Variants in NCALD observed in about 807,000 individuals in gnomAD.
The protein encoded by NCALD is neurocalcin delta.
A neutral mutation model predicts 18.6 loss-of-function variants in NCALD; 10 were observed. The observed-to-expected ratio is 0.54, with a 90% CI of 0.33 to 0.91. The LOEUF is 0.91. NCALD is among the 40% of genes least tolerant of loss of function. NCALD has a pLI of 0.03. For missense variants in NCALD, 184 were observed against 247.6 expected (o/e 0.74, Z 1.72); for synonymous variants, 88 against 87.4 (o/e 1.01, Z -0.04).
At chr8:101,870,907 C>T (rs1028884518) in intron 4 of NCALD, among the ~76,000 whole-genome samples, 1 of 92,526 alleles carries the variant, frequency 1.1e-5, no homozygotes, top group Non-Finnish European at 2.1e-5. Flanking sequence ...ACCCCCCCCC[C>T]CCAAAAAAAG....
intron 1 of NCALD, among the ~76,000 whole-genome samples, chr8:102,080,114 C>T (rs16869053): frequency 5.3e-5 from 8 of 152,008 alleles, no homozygotes; most frequent in Non-Finnish European, 1.0e-4. Context: ...AAAAAAAATC[C>T]GCCCAAGGAA....
chr8:101,981,989 C>T (rs948878974), intron 2 of NCALD, among the ~76,000 whole-genome samples: 1 of 152,046 alleles, frequency 6.6e-6, no homozygotes, highest in Non-Finnish European at 1.5e-5. Context: ...TGAGTTCTCC[C>T]GCTGAGTTCA....
At position 101,801,643 on chromosome 8, in the gene NCALD, CTTTTTTTTTTTTTTTTT is replaced by C. The variant is rs71268530; in HGVS notation, c.-19-82012_-19-81996del. ...TCTCTATGATTTACAAGCACACTTA[CTTTTTTTTTTTTTTTTT>C]TTTTTTTTTTTTTTTTTTTTTTTTG... is the stretch of plus-strand genomic sequence containing the variant. On this transcript the variant is annotated intron_variant, in intron 4 of 6. Coordinates refer to the NCALD transcript ENST00000311028. Among the ~76,000 whole-genome samples, 344 of 44,072 alleles carry C rather than the reference CTTTTTTTTTTTTTTTTT, an allele frequency of 7.8e-3. 1 individual carries two copies. The highest frequency in any genetic ancestry group is 0.014 in the African/African-American group (257 of 18,382). 28.9% of individuals were successfully genotyped at this position (44,072 alleles called of 152,430 possible). A position where few individuals can be genotyped will look rare whatever the true frequency, so the allele number is the denominator to read the frequency against.
intron 1 of NCALD, among the ~76,000 whole-genome samples, chr8:101,740,052 C>A: frequency 6.6e-6 from 1 of 152,126 alleles, no homozygotes; most frequent in South Asian, 2.1e-4. Flanking sequence ...AAATCTATTG[C>A]CTGAATGAAG....
chr8:101,741,300 C>A (rs1444581291), intron 1 of NCALD, among the ~76,000 whole-genome samples: 1 of 152,158 alleles, frequency 6.6e-6, no homozygotes, highest in Non-Finnish European at 1.5e-5. Context: ...TGACTTCTGG[C>A]CTTATCTATT....
chr8:101,729,476 C>G (rs1292173133), intron 1 of NCALD, among the ~76,000 whole-genome samples: 1 of 152,162 alleles, frequency 6.6e-6, no homozygotes, highest in East Asian at 1.9e-4. Flanking sequence ...AAGCCATTGC[C>G]CCCAGTGAGG....
At chr8:101,691,569 C>A in intron 3 of NCALD, 9 of 985,406 alleles carry the variant, frequency 9.1e-6, no homozygotes, top group Non-Finnish European at 1.1e-5. Flanking sequence ...GTAAAACCTG[C>A]AGTTTAACAT....
chr8:101,796,463 G>A (rs1812642538), intron 4 of NCALD, among the ~76,000 whole-genome samples: 1 of 151,984 alleles, frequency 6.6e-6, no homozygotes, highest in Admixed American at 6.6e-5. Context: ...ATGGCAAACT[G>A]GAGAATCCTC....
intron 4 of NCALD, among the ~76,000 whole-genome samples, chr8:101,880,216 G>T (rs375880491): frequency 3.9e-5 from 6 of 152,132 alleles, no homozygotes; most frequent in African/African-American, 1.2e-4. Flanking sequence ...GGGACCTGGC[G>T]CACCCTCCAC....
intron 1 of NCALD, among the ~76,000 whole-genome samples, chr8:102,080,384 C>G (rs1277792063): frequency 6.6e-6 from 1 of 152,310 alleles, no homozygotes; most frequent in South Asian, 2.1e-4. Flanking sequence ...CCACGGCACA[C>G]CACATTTTTT....
intron 4 of NCALD, among the ~76,000 whole-genome samples, chr8:101,816,099 T>C (rs576531594): frequency 5.9e-5 from 9 of 152,036 alleles, no homozygotes; most frequent in African/African-American, 2.2e-4. Context: ...GGCAAAACTA[T>C]GGATACAATA....
At chr8:101,925,638 G>T (rs1586763962) in intron 2 of NCALD, among the ~76,000 whole-genome samples, 1 of 152,100 alleles carries the variant, frequency 6.6e-6, no homozygotes, top group Non-Finnish European at 1.5e-5. Context: ...AGTGGCAATG[G>T]TGCCAATGAT....
chr8:102,011,734 T>C (rs536149130), intron 2 of NCALD, among the ~76,000 whole-genome samples: 7 of 152,350 alleles, frequency 4.6e-5, no homozygotes, highest in African/African-American at 1.4e-4. Flanking sequence ...AAAATCAGCA[T>C]GTAAAAATTA....
chr8:101,972,633 GC>G (rs1294750827), intron 2 of NCALD, among the ~76,000 whole-genome samples: 2 of 152,174 alleles, frequency 1.3e-5, no homozygotes, highest in Non-Finnish European at 2.9e-5. Context: ...TATCCTCAGT[GC>G]CTGGCACTGA....
At chr8:101,692,007 G>A (rs190279147) in intron 3 of NCALD, 389 of 982,788 alleles carry the variant, frequency 4.0e-4, no homozygotes, top group Non-Finnish European at 4.3e-4. Flanking sequence ...TTAAATACAT[G>A]ATGCCCCGTT....
intron 2 of NCALD, among the ~76,000 whole-genome samples, chr8:102,000,464 C>G (rs1309734614): frequency 6.6e-6 from 1 of 152,178 alleles, no homozygotes; most frequent in Non-Finnish European, 1.5e-5. Context: ...TGGGGCATAG[C>G]CAAACAAAAG....
In NCALD at chr8:101,892,370, C is replaced by A. The variant is rs867507002; in HGVS notation, c.-106-5143G>T. 4.3e-4 allele frequency among the ~76,000 whole-genome samples: 64 copies of A among 147,142 alleles called. No homozygotes were observed. In the Middle Eastern group the frequency reaches 0.02, roughly 47 times the overall value. Reference sequence around the variant, plus strand: ...CACCAAAAACCCATCTGTACATCACCATTATCAAAGACCAAAAGTAGATAA... The same window carrying A: ...CACCAAAAACCCATCTGTACATCACAATTATCAAAGACCAAAAGTAGATAA... On this transcript the variant is annotated intron_variant, in intron 3 of 6. Coordinates refer to the NCALD transcript ENST00000311028.
intron 1 of NCALD, among the ~76,000 whole-genome samples, chr8:102,093,759 C>T (rs1825001442): frequency 6.6e-6 from 1 of 152,206 alleles, no homozygotes; most frequent in Non-Finnish European, 1.5e-5. Context: ...GGTCTTACTA[C>T]CTGCCAGTAT....
At chr8:101,997,936 T>C (rs1469696536) in intron 2 of NCALD, among the ~76,000 whole-genome samples, 1 of 152,214 alleles carries the variant, frequency 6.6e-6, no homozygotes, top group Admixed American at 6.5e-5. Context: ...AACGAACAAC[T>C]GGAAATGATT....
Sources: gnomAD v4.1 joint callset for allele counts (sites outside exome capture counted in the v4.1 genomes callset) on GRCh38, gnomAD v4.1.1 for gene constraint, MANE v1.5 for transcripts, NCBI Gene and HGNC (gene_info 2026-07-23, HGNC 2026-07-21) for gene names.